The following LHPP variants were observed in gnomAD, a reference collection of about 807,000 sequenced individuals.
LHPP encodes the protein phospholysine phosphohistidine inorganic pyrophosphate phosphatase, also known as hLHPP.
In LHPP, 24 loss-of-function variants were observed where a neutral mutation model predicts 30.3. That is an observed-to-expected ratio of 0.79 (90% CI 0.57 to 1.11). The LOEUF is 1.11. Ranked by LOEUF, LHPP falls within the 50% of genes most tolerant of loss-of-function variation. The probability of loss-of-function intolerance (pLI) is 0.00; values close to 1 mark genes in which losing one functional copy is unlikely to be tolerated. For synonymous variants in LHPP, 150 were observed against 157.1 expected (o/e 0.95, Z 0.34); for missense variants, 356 against 367.2 (o/e 0.97, Z 0.25).
intron 6 of LHPP, among the ~76,000 whole-genome samples, chr10:124,556,675 C>T (rs1220600840): frequency 6.6e-6 from 1 of 152,188 alleles, no homozygotes; most frequent in African/African-American, 2.4e-5. Flanking sequence ...ACACCCTCAC[C>T]AACAAATAAC....
intron 6 of LHPP, among the ~76,000 whole-genome samples, chr10:124,603,912 C>T (rs1949060485): frequency 6.6e-6 from 1 of 152,228 alleles, no homozygotes; most frequent in Non-Finnish European, 1.5e-5. Context: ...AGGCTGGAGC[C>T]TGTGTCCCCC....
intron 6 of LHPP, among the ~76,000 whole-genome samples, chr10:124,528,897 C>T (rs1954810980): frequency 6.6e-6 from 1 of 152,114 alleles, no homozygotes; most frequent in African/African-American, 2.4e-5. Context: ...GGCCTCCCAG[C>T]GTCAGGGATC....
intron 6 of LHPP, among the ~76,000 whole-genome samples, chr10:124,551,476 G>A (rs1277856767): frequency 6.6e-6 from 1 of 152,188 alleles, no homozygotes; most frequent in African/African-American, 2.4e-5. Flanking sequence ...GGGGGGCAGA[G>A]CCTGCCAGCC....
chr10:124,502,479 C>T (rs1200824394), intron 5 of LHPP, among the ~76,000 whole-genome samples: 3 of 151,232 alleles, frequency 2.0e-5, no homozygotes, highest in Non-Finnish European at 4.4e-5. Context: ...ATTCTCCTGC[C>T]TCAGCCTCCC....
chr10:124,592,424 T>A lies in LHPP; in HGVS notation c.717-20840T>A, dbSNP rs1241859125. On this transcript the variant is annotated intron_variant, in intron 6 of 6. Transcript: ENST00000368842. This position sits in a 1 kb window ranked among gnomAD's most constrained non-coding sequence, Gnocchi z 6.2. ...CCTAGGGCTCAGGTTTGAGCTTTCA[T>A]GATGAGACCCTGAGGTCACTGGCGG... Among the ~76,000 whole-genome samples the A allele has an allele frequency of 6.6e-6, 1 of 152,200 alleles. No homozygotes were observed. Among genetic ancestry groups the A allele is most frequent in the African/African-American group, 2.4e-5 (1 of 41,450 alleles).
intron 5 of LHPP, among the ~76,000 whole-genome samples, chr10:124,511,093 A>C (rs185888474): frequency 6.0e-4 from 92 of 152,344 alleles, no homozygotes; most frequent in African/African-American, 2.2e-3. Flanking sequence ...CCCTAACATC[A>C]GTCATTCTGG....
intron 6 of LHPP, among the ~76,000 whole-genome samples, chr10:124,584,510 G>C (rs10751597): frequency 6.6e-6 from 1 of 151,916 alleles, no homozygotes; most frequent in African/African-American, 2.4e-5. Context: ...TTGTCCTCAC[G>C]TGGCGAAGGA....
chr10:124,577,302 C>T (rs1948676643), intron 6 of LHPP, among the ~76,000 whole-genome samples: 1 of 152,238 alleles, frequency 6.6e-6, no homozygotes, highest in Admixed American at 6.5e-5. Flanking sequence ...ACCCCAGCCT[C>T]CTGGGCACAG....
rs1301183566 is a variant in LHPP at position 124,596,961 on chromosome 10, C to T, written c.717-16303C>T. On this transcript the variant is annotated intron_variant, in intron 6 of 6. Transcript: ENST00000368842. This position sits in a 1 kb window ranked among gnomAD's most constrained non-coding sequence, Gnocchi z 4.6. The stretch of plus-strand genomic sequence containing the variant: ...ACCCACCCTCCGTGTGGGTGGGCAC[C>T]ATCTCATCGGCTGTCCTTGTGGCTG... 1.3e-5 allele frequency among the ~76,000 whole-genome samples: 2 copies of T among 152,190 alleles called. No individual in the cohort carries two copies. Among genetic ancestry groups the T allele is most frequent in the African/African-American group, 4.8e-5 (2 of 41,442 alleles).
Position 124,541,200 on chromosome 10 carries a change from C to G in LHPP, c.716+23929C>G, listed in dbSNP as rs1231643477. Among the ~76,000 whole-genome samples, 9 of 152,158 alleles carry G rather than the reference C, an allele frequency of 5.9e-5. No individual in the cohort carries two copies. Among genetic ancestry groups the G allele is most frequent in the African/African-American group, 1.9e-4 (8 of 41,436 alleles). ...AGAATGGTGAGTCACCAAGAGGCAG[C>G]TTGGAGGTGGGCCGCTGCCCCTGCA... is the stretch of plus-strand genomic sequence containing the variant. On this transcript the variant is annotated intron_variant, in intron 6 of 6. Coordinates refer to ENST00000368842, the MANE Select transcript of LHPP (RefSeq NM_022126.4). This position sits in a 1 kb window ranked among gnomAD's most constrained non-coding sequence, Gnocchi z 4.2.
At chr10:124,602,035 C>T (rs1949029789) in intron 6 of LHPP, among the ~76,000 whole-genome samples, 3 of 152,128 alleles carry the variant, frequency 2.0e-5, no homozygotes, top group Non-Finnish European at 4.4e-5. Context: ...CAGCTCCATC[C>T]GGGGGTGGGT....
intron 6 of LHPP, among the ~76,000 whole-genome samples, chr10:124,577,692 A>G (rs897706427): frequency 2.6e-5 from 4 of 152,150 alleles, no homozygotes; most frequent in African/African-American, 9.7e-5. Flanking sequence ...ACACATGTGT[A>G]AATACACATG....
At chr10:124,595,810 T>C (rs1948934837) in intron 6 of LHPP, among the ~76,000 whole-genome samples, 1 of 152,212 alleles carries the variant, frequency 6.6e-6, no homozygotes, top group Non-Finnish European at 1.5e-5. Context: ...TAAAGACATC[T>C]GTCTGAGGCT....
intron 1 of LHPP, among the ~76,000 whole-genome samples, chr10:124,474,477 C>T (rs921579123): frequency 5.3e-5 from 8 of 152,092 alleles, no homozygotes; most frequent in Non-Finnish European, 1.5e-5. Context: ...GGTGTACATG[C>T]TAAACCAAAG....
chr10:124,563,307 C>T (rs1311824083), intron 6 of LHPP, among the ~76,000 whole-genome samples: 8 of 26,108 alleles, frequency 3.1e-4, no homozygotes, highest in Non-Finnish European at 4.3e-4. Flanking sequence ...CTCTCTCTCT[C>T]TTTTTCTTTT....
At chr10:124,538,137 G>A (rs1443524475) in intron 6 of LHPP, among the ~76,000 whole-genome samples, 1 of 152,132 alleles carries the variant, frequency 6.6e-6, no homozygotes, top group Non-Finnish European at 1.5e-5. Context: ...CACCACACGA[G>A]TCTCACCATG....
chr10:124,584,133 C>T (rs1948774009), intron 6 of LHPP, among the ~76,000 whole-genome samples: 1 of 151,276 alleles, frequency 6.6e-6, no homozygotes, highest in African/African-American at 2.4e-5. Context: ...GCTGCTATAA[C>T]AAAATACCTG....
intron 6 of LHPP, among the ~76,000 whole-genome samples, chr10:124,595,170 C>T (rs1284492749): frequency 6.6e-6 from 1 of 152,206 alleles, no homozygotes; most frequent in Non-Finnish European, 1.5e-5. Flanking sequence ...AGTGACTTCT[C>T]CTGCATGGGG....
chr10:124,542,642 T>C (rs1955225907), intron 6 of LHPP, among the ~76,000 whole-genome samples: 1 of 152,126 alleles, frequency 6.6e-6, no homozygotes, highest in African/African-American at 2.4e-5. Context: ...CCAGAAGACC[T>C]TGGTCCCCAT....
Sources: gnomAD v4.1 joint callset for allele counts (sites outside exome capture counted in the v4.1 genomes callset) on GRCh38, gnomAD v4.1.1 for gene constraint, Gnocchi (gnomAD v3.1) non-coding constraint, MANE v1.5 for transcripts, NCBI Gene and HGNC (gene_info 2026-07-23, HGNC 2026-07-21) for gene names.